Variants in SSX2IP observed in about 807,000 individuals in gnomAD.
SSX2IP encodes afadin- and alpha-actinin-binding protein.
SSX2IP carries 55 observed loss-of-function variants against 84.9 expected under a neutral mutation model. The ratio of observed to expected loss-of-function variants is 0.65; its 90% CI spans 0.52 to 0.81. The LOEUF is 0.81. Among genes scored for constraint, SSX2IP ranks in the 30% least tolerant of loss-of-function variants. The probability of loss-of-function intolerance (pLI) is 0.00; values close to 1 mark genes in which losing one functional copy is unlikely to be tolerated. For missense variants in SSX2IP, 664 were observed against 705.2 expected (o/e 0.94, Z 0.66); for synonymous variants, 239 against 234.7 (o/e 1.02, Z -0.17).
rs182185464 is a variant in SSX2IP at position 84,646,648 on chromosome 1, T to A, written c.*785A>T. The A allele has an allele frequency of 6.6e-6, 1 of 152,572 alleles. No individual in the cohort carries two copies. The highest frequency in any genetic ancestry group is 1.5e-5 in the Non-Finnish European group (1 of 68,008). 9.5% of individuals were successfully genotyped at this position (152,572 alleles called of 1,614,324 possible). ...ATTCTTCTATCATCAATAGTCCTTT[T>A]AAAAATTATAATATTCTACATATAC... On this transcript the variant is annotated 3_prime_UTR_variant, in exon 14 of 14. Coordinates refer to ENST00000342203, the MANE Select transcript of SSX2IP (RefSeq NM_001166293.2).
chr1:84,685,167 C>G (rs1655611185), intron 1 of SSX2IP, among the ~76,000 whole-genome samples: 1 of 152,212 alleles, frequency 6.6e-6, no homozygotes, highest in South Asian at 2.1e-4. Flanking sequence ...ATTCTAAATT[C>G]TACCCAGTCA....
At chr1:84,661,409 C>T (rs1433218237) in intron 8 of SSX2IP, among the ~76,000 whole-genome samples, 1 of 150,936 alleles carries the variant, frequency 6.6e-6, no homozygotes, top group Non-Finnish European at 1.5e-5. Flanking sequence ...ATGCTTTCTC[C>T]ATGTTTTTTT....
chr1:84,655,468 T>A, intron 11 of SSX2IP: 2 of 1,299,496 alleles, frequency 1.5e-6, no homozygotes, highest in Non-Finnish European at 2.0e-6. Context: ...TACTTCCTTT[T>A]TAAACAGCAA....
At chr1:84,650,039 C>A in intron 13 of SSX2IP, 1 of 637,680 alleles carries the variant, frequency 1.6e-6, no homozygotes, top group East Asian at 2.9e-5. Flanking sequence ...CCATTTAATA[C>A]AATTAAAGTG....
intron 11 of SSX2IP, among the ~76,000 whole-genome samples, chr1:84,653,097 AG>A (rs1271689645): frequency 6.6e-5 from 10 of 152,232 alleles, no homozygotes; most frequent in Non-Finnish European, 7.3e-5. Flanking sequence ...TTTAAAAAAT[AG>A]AAATTCATCT....
chr1:84,649,336 C>T (rs1012946191), intron 13 of SSX2IP, among the ~76,000 whole-genome samples: 3 of 152,180 alleles, frequency 2.0e-5, no homozygotes, highest in Non-Finnish European at 4.4e-5. Context: ...AGGTGTGTCC[C>T]ACCCTCAGGG....
In SSX2IP at chr1:84,646,573, C is replaced by A. The variant is rs1649484652; in HGVS notation, c.*860G>T. On this transcript the variant is annotated 3_prime_UTR_variant, in exon 14 of 14. Coordinates refer to ENST00000342203, the MANE Select transcript of SSX2IP (RefSeq NM_001166293.2). ...ATCTTCTATCATCCAATATCTTAAA[C>A]CAATTTCTTAAATTGTTTTATTCAA... 6.6e-6 allele frequency: 1 copy of A among 152,502 alleles called. No individual in the cohort carries two copies. Among genetic ancestry groups the A allele is most frequent in the Admixed American group, 6.6e-5 (1 of 15,256 alleles). The allele number at this position is 152,502 out of a possible 1,614,324, so 9.4% of individuals were successfully genotyped here. A position where few individuals can be genotyped will look rare whatever the true frequency, so the allele number is the denominator to read the frequency against.
chr1:84,660,895 C>CA (rs11362631), intron 8 of SSX2IP, among the ~76,000 whole-genome samples: 43,251 of 97,924 alleles, frequency 0.44, 9,331 homozygotes, highest in East Asian at 0.68. Flanking sequence ...TACTAAAATA[C>CA]AAAAAAAAAA....
chr1:84,659,861 C>T (rs936694069), intron 8 of SSX2IP, among the ~76,000 whole-genome samples: 4 of 151,450 alleles, frequency 2.6e-5, no homozygotes, highest in Admixed American at 2.6e-4. Flanking sequence ...ACAGAACTCT[C>T]TAACCACAAA....
intron 1 of SSX2IP, among the ~76,000 whole-genome samples, chr1:84,684,642 T>A (rs953781919): frequency 6.6e-6 from 1 of 152,102 alleles, no homozygotes; most frequent in Admixed American, 6.5e-5. Flanking sequence ...TGCCTACGTA[T>A]GCCAGGAGGT....
Position 84,644,195 on chromosome 1 carries a change from T to G in SSX2IP, c.*3238A>C, listed in dbSNP as rs1289556129. ...TTCACAAAGGAAATAATGCTAAGAC[T>G]TATAAATGGAAGCCTAGCCACGTTA... On this transcript the variant is annotated 3_prime_UTR_variant, in exon 14 of 14. Coordinates refer to ENST00000342203, the MANE Select transcript of SSX2IP (RefSeq NM_001166293.2). The G allele has an allele frequency of 6.6e-6, 1 of 152,242 alleles. No individual in the cohort carries two copies. Among genetic ancestry groups the G allele is most frequent in the African/African-American group, 2.4e-5 (1 of 41,450 alleles). The allele number at this position is 152,242 out of a possible 1,614,324, so 9.4% of individuals were successfully genotyped here. A position where few individuals can be genotyped will look rare whatever the true frequency, so the allele number is the denominator to read the frequency against.
At chr1:84,653,814 T>C (rs568365215) in intron 11 of SSX2IP, among the ~76,000 whole-genome samples, 48 of 152,298 alleles carry the variant, frequency 3.2e-4, no homozygotes, top group Non-Finnish European at 6.2e-4. Flanking sequence ...AAACTGACCA[T>C]GGATAAGAGA....
At chr1:84,679,593 G>A (rs1012001000) in intron 1 of SSX2IP, among the ~76,000 whole-genome samples, 29 of 152,224 alleles carry the variant, frequency 1.9e-4, no homozygotes, top group African/African-American at 6.7e-4. Flanking sequence ...ATATCTTGAC[G>A]AAGACACTTA....
intron 2 of SSX2IP, 84 bp downstream of exon 2, chr1:84,671,093 T>A: frequency 6.8e-7 from 1 of 1,478,034 alleles, no homozygotes; most frequent in Non-Finnish European, 9.2e-7. Context: ...ATCTTCAACA[T>A]CTGCAGTAAT....
Position 84,647,624 on chromosome 1 carries a change from G to C in SSX2IP, c.1671-17C>G, listed in dbSNP as rs764725408. The C allele has an allele frequency of 2.0e-6, 3 of 1,531,450 alleles. No homozygotes were observed. The highest frequency in any genetic ancestry group is 3.7e-5 in the Admixed American group (2 of 53,950). The allele number at this position is 1,531,450 out of a possible 1,614,324, so 94.9% of individuals were successfully genotyped here. ...TTGATTGAACTGTTGGGAAAAGAAA[G>C]GCAGATCTTAGTGACTATCCTCTCC... On this transcript the variant is annotated splice_polypyrimidine_tract_variant and intron_variant, in intron 13 of 13. Transcript: ENST00000342203.
intron 13 of SSX2IP, chr1:84,649,769 AG>A (rs1296269452): frequency 3.0e-6 from 1 of 329,974 alleles, no homozygotes; most frequent in Non-Finnish European, 6.0e-6. Context: ...ACTGAAGCAG[AG>A]TATTGATCTT....
intron 1 of SSX2IP, among the ~76,000 whole-genome samples, chr1:84,676,292 G>A (rs1321651983): frequency 1.3e-5 from 2 of 152,160 alleles, no homozygotes; most frequent in Non-Finnish European, 2.9e-5. Context: ...TAGGTAACAC[G>A]TATATAGCCA....
At position 84,655,357 on chromosome 1, in the gene SSX2IP, G is replaced by A. The variant is rs190900990; in HGVS notation, c.1389+475C>T. 382 of 1,100,936 alleles carry A rather than the reference G, an allele frequency of 3.5e-4. 2 individuals are homozygous for A. In the East Asian group the frequency reaches 6.0e-3, roughly 17 times the overall value. The allele number at this position is 1,100,936 out of a possible 1,614,324, so 68.2% of individuals were successfully genotyped here. On this transcript the variant is annotated intron_variant, in intron 11 of 13. Transcript: ENST00000342203. Reference sequence around the variant, plus strand: ...GACATTACTGCTACAATTTTTGAAGGGGGAATATGTAGATGACACATTGCT... The same window carrying A: ...GACATTACTGCTACAATTTTTGAAGAGGGAATATGTAGATGACACATTGCT...
chr1:84,655,583 G>A lies in SSX2IP; in HGVS notation c.1389+249C>T, dbSNP rs147049204. The stretch of plus-strand genomic sequence containing the variant: ...TGTGTAAAACACTTAGCAGGAGAAA[G>A]CCAATCTGAAAGCAGTAATAAATGC... On this transcript the variant is annotated intron_variant, in intron 11 of 13. Transcript: ENST00000342203. 590 of 1,438,806 alleles carry A rather than the reference G, an allele frequency of 4.1e-4. 4 individuals are homozygous for A. The East Asian group carries it at 6.5e-3, about 16-fold the overall frequency. 89.1% of individuals were successfully genotyped at this position (1,438,806 alleles called of 1,614,324 possible).
Sources: gnomAD v4.1 joint callset for allele counts (sites outside exome capture counted in the v4.1 genomes callset) on GRCh38, gnomAD v4.1.1 for gene constraint, MANE v1.5 for transcripts, NCBI Gene and HGNC (gene_info 2026-07-23, HGNC 2026-07-21) for gene names.